PLCB1: variants seen among roughly 807,000 people sequenced by gnomAD.
The protein encoded by PLCB1 is phospholipase C beta 1, also known as 1-phosphatidylinositol 4,5-bisphosphate phosphodiesterase beta-1.
PLCB1 carries 46 observed loss-of-function variants against 161.8 expected under a neutral mutation model. That is an observed-to-expected ratio of 0.28 (90% CI 0.22 to 0.36). The LOEUF is 0.36. Among genes scored for constraint, PLCB1 ranks in the 10% least tolerant of loss-of-function variants. The probability of loss-of-function intolerance (pLI) is 1.00; values close to 1 mark genes in which losing one functional copy is unlikely to be tolerated. For synonymous variants in PLCB1, 517 were observed against 503.7 expected (o/e 1.03, Z -0.35); for missense variants, 1,016 against 1,472.5 (o/e 0.69, Z 5.07).
chr20:8,883,196 A>G lies in PLCB1; in HGVS notation c.*1347A>G, dbSNP rs965140265. 11 of 152,216 alleles carry G rather than the reference A, an allele frequency of 7.2e-5. No homozygotes were observed. Among genetic ancestry groups the G allele is most frequent in the African/African-American group, 2.2e-4 (9 of 41,512 alleles). The allele number at this position is 152,216 out of a possible 1,614,324, so 9.4% of individuals were successfully genotyped here. A position where few individuals can be genotyped will look rare whatever the true frequency, so the allele number is the denominator to read the frequency against. On this transcript the variant is annotated 3_prime_UTR_variant, in exon 32 of 32. Coordinates refer to ENST00000338037, the MANE Select transcript of PLCB1 (RefSeq NM_015192.4). ...GTCAAAAAATTAGGACAGAAATAAT[A>G]TGGACATTTATTAGTATCTTCCATA...
At chr20:8,159,304 T>C (rs1449392487) in intron 2 of PLCB1, among the ~76,000 whole-genome samples, 3 of 152,168 alleles carry the variant, frequency 2.0e-5, no homozygotes, top group Non-Finnish European at 4.4e-5. Context: ...GCCCATGTTC[T>C]ATATTGGCCC....
chr20:8,548,566 A>G (rs1028841614), intron 3 of PLCB1, among the ~76,000 whole-genome samples: 4 of 146,826 alleles, frequency 2.7e-5, no homozygotes, highest in African/African-American at 5.1e-5. Flanking sequence ...ATTATCTACT[A>G]TCTATGTTTT....
At chr20:8,416,341 ATTAT>A (rs72075554) in intron 3 of PLCB1, among the ~76,000 whole-genome samples, 29,874 of 146,724 alleles carry the variant, frequency 0.2, 3,135 homozygotes, top group Admixed American at 0.25. Flanking sequence ...GAGAAGACTA[ATTAT>A]TTATAGAAAA....
chr20:8,529,963 C>T (rs933600225), intron 3 of PLCB1, among the ~76,000 whole-genome samples: 4 of 152,104 alleles, frequency 2.6e-5, no homozygotes, highest in Admixed American at 2.6e-4. Context: ...AGATAGTTCT[C>T]ATTTATCTTC....
chr20:8,573,795 T>C (rs138179096), intron 3 of PLCB1, among the ~76,000 whole-genome samples: 9 of 152,170 alleles, frequency 5.9e-5, no homozygotes, highest in Admixed American at 5.2e-4. Context: ...AGTGGGTGAT[T>C]ACAGTGATAG....
intron 2 of PLCB1, among the ~76,000 whole-genome samples, chr20:8,271,100 T>C (rs1982257058): frequency 6.6e-6 from 1 of 152,158 alleles, no homozygotes; most frequent in Non-Finnish European, 1.5e-5. Flanking sequence ...CATTGTGTTT[T>C]GTTTGCTATT....
chr20:8,656,471 G>A (rs1989458872), intron 7 of PLCB1, among the ~76,000 whole-genome samples: 1 of 152,034 alleles, frequency 6.6e-6, no homozygotes. Flanking sequence ...CATGAAAAAT[G>A]TCTTTCCTGT....
At chr20:8,867,052 C>T (rs1232746930) in intron 31 of PLCB1, among the ~76,000 whole-genome samples, 3 of 152,160 alleles carry the variant, frequency 2.0e-5, no homozygotes, top group East Asian at 3.9e-4. Flanking sequence ...TTTAGGTGAT[C>T]GGGAGAAGGA....
At chr20:8,409,359 CAG>C (rs1243993292) in intron 3 of PLCB1, among the ~76,000 whole-genome samples, 5 of 152,086 alleles carry the variant, frequency 3.3e-5, no homozygotes, top group African/African-American at 9.7e-5. Flanking sequence ...CATTAGCAAT[CAG>C]GGGTCTGCAG....
intron 3 of PLCB1, among the ~76,000 whole-genome samples, chr20:8,429,174 C>T (rs750930240): frequency 4.0e-4 from 61 of 152,186 alleles, no homozygotes; most frequent in Non-Finnish European, 7.9e-4. Flanking sequence ...CTGCCAGTCT[C>T]GAGCATTTTA....
At chr20:8,389,633 A>G (rs138634545) in intron 3 of PLCB1, among the ~76,000 whole-genome samples, 139 of 152,324 alleles carry the variant, frequency 9.1e-4, no homozygotes, top group African/African-American at 3.1e-3. Context: ...CATTTGGGAA[A>G]CATTTCTCAA....
At chr20:8,240,241 C>T (rs1980531146) in intron 2 of PLCB1, among the ~76,000 whole-genome samples, 2 of 151,344 alleles carry the variant, frequency 1.3e-5, no homozygotes, top group Non-Finnish European at 2.9e-5. Context: ...TAACCGTTAT[C>T]AGTTTGCTGT....
intron 26 of PLCB1, 136 bp downstream of exon 26, chr20:8,765,494 G>A (rs1982272430): frequency 4.6e-6 from 3 of 647,780 alleles, no homozygotes; most frequent in South Asian, 2.2e-5. Context: ...CATAGCTTTT[G>A]TGGCACCTTA....
intron 9 of PLCB1, among the ~76,000 whole-genome samples, chr20:8,682,127 G>GA (rs2123391032): frequency 6.6e-6 from 1 of 152,256 alleles, no homozygotes; most frequent in East Asian, 1.9e-4. Context: ...AAACCTTTGT[G>GA]AAATTAGTGA....
intron 10 of PLCB1, among the ~76,000 whole-genome samples, chr20:8,697,108 A>T (rs1164689516): frequency 1.3e-5 from 2 of 152,212 alleles, no homozygotes; most frequent in East Asian, 3.9e-4. Context: ...GCCTTTGGCA[A>T]ACATGTCAGA....
intron 3 of PLCB1, among the ~76,000 whole-genome samples, chr20:8,420,090 A>G (rs761045445): frequency 1.3e-5 from 2 of 152,186 alleles, no homozygotes; most frequent in East Asian, 3.8e-4. Context: ...TCCAATACAT[A>G]TTATAACTTT....
At chr20:8,273,081 G>T (rs1427916699) in intron 2 of PLCB1, among the ~76,000 whole-genome samples, 1 of 152,142 alleles carries the variant, frequency 6.6e-6, no homozygotes, top group East Asian at 1.9e-4. Flanking sequence ...GCAATAATAA[G>T]TTTAAGAGAC....
At chr20:8,209,230 A>G (rs928887722) in intron 2 of PLCB1, among the ~76,000 whole-genome samples, 2 of 151,666 alleles carry the variant, frequency 1.3e-5, no homozygotes, top group Admixed American at 6.6e-5. Context: ...GTAAGTATTG[A>G]GGTTACACAA....
intron 2 of PLCB1, among the ~76,000 whole-genome samples, chr20:8,189,293 T>G (rs2051940181): frequency 6.6e-6 from 1 of 150,434 alleles, no homozygotes; most frequent in African/African-American, 2.4e-5. Flanking sequence ...ATAGTGGATA[T>G]GATAATTTGT....
Sources: gnomAD v4.1 joint callset for allele counts (sites outside exome capture counted in the v4.1 genomes callset) on GRCh38, gnomAD v4.1.1 for gene constraint, MANE v1.5 for transcripts, NCBI Gene and HGNC (gene_info 2026-07-23, HGNC 2026-07-21) for gene names.